The following GPC5 variants were observed in gnomAD, a reference collection of about 807,000 sequenced individuals.
The protein encoded by GPC5 is glypican 5.
A neutral mutation model predicts 53.9 loss-of-function variants in GPC5; 47 were observed. That is an observed-to-expected ratio of 0.87 (90% confidence interval 0.69 to 1.11). GPC5 has a LOEUF of 1.11. GPC5 is among the 50% of genes most tolerant of loss of function. The probability of loss-of-function intolerance (pLI) is 0.00; values close to 1 mark genes in which losing one functional copy is unlikely to be tolerated. For missense variants in GPC5, 748 were observed against 713.1 expected (o/e 1.05, Z -0.56); for synonymous variants, 286 against 263.3 (o/e 1.09, Z -0.84).
intron 1 of GPC5, among the ~76,000 whole-genome samples, chr13:91,432,047 A>G (rs11843981): frequency 0.012 from 1,761 of 152,206 alleles, 37 homozygotes; most frequent in African/African-American, 0.041. Context: ...TTAGAGAAAT[A>G]ATGTGGGTTG....
chr13:91,441,465 T>C (rs1337177903), intron 1 of GPC5, among the ~76,000 whole-genome samples: 3 of 152,176 alleles, frequency 2.0e-5, no homozygotes, highest in Non-Finnish European at 2.9e-5. Flanking sequence ...CTGGAGAAAC[T>C]ATGGTGGATC....
At chr13:92,592,533 G>A (rs1883747548) in intron 7 of GPC5, among the ~76,000 whole-genome samples, 1 of 151,128 alleles carries the variant, frequency 6.6e-6, no homozygotes, top group Admixed American at 6.6e-5. Flanking sequence ...AACCCTTTGT[G>A]GAGCTTACAT....
chr13:92,139,486 T>G, intron 6 of GPC5, among the ~76,000 whole-genome samples: 1 of 151,894 alleles, frequency 6.6e-6, no homozygotes, highest in Admixed American at 6.6e-5. Flanking sequence ...GCTAACATGG[T>G]GAAACCCCGT....
intron 7 of GPC5, among the ~76,000 whole-genome samples, chr13:92,847,203 A>G (rs1283885754): frequency 2.6e-5 from 4 of 152,146 alleles, no homozygotes; most frequent in African/African-American, 9.7e-5. Flanking sequence ...TTACATCATA[A>G]TACTCTTGAA....
At position 91,571,828 on chromosome 13, in the gene GPC5, T is replaced by TACGTGTGTGTATGTATACAC. The variant is rs1566515542; in HGVS notation, c.326-121357_326-121356insGTGTGTGTATGTATACACAC. 6.1e-3 allele frequency among the ~76,000 whole-genome samples: 394 copies of TACGTGTGTGTATGTATACAC among 64,844 alleles called. 32 individuals carry two copies. The highest frequency in any genetic ancestry group is 7.1e-3 in the Non-Finnish European group (278 of 39,022). 42.5% of individuals were successfully genotyped at this position (64,844 alleles called of 152,430 possible). A position where few individuals can be genotyped will look rare whatever the true frequency, so the allele number is the denominator to read the frequency against. On this transcript the variant is annotated intron_variant, in intron 2 of 7. Coordinates refer to ENST00000377067, the MANE Select transcript of GPC5 (RefSeq NM_004466.6). ...ACACACACATACGTGTGTGTATATA[T>TACGTGTGTGTATGTATACAC]ACACATATACTTGTGTGTATATACA... is the stretch of plus-strand genomic sequence containing the variant.
At chr13:92,113,199 A>G (rs943588895) in intron 6 of GPC5, among the ~76,000 whole-genome samples, 8 of 152,086 alleles carry the variant, frequency 5.3e-5, no homozygotes, top group Non-Finnish European at 1.2e-4. Context: ...TTTTGTCTCC[A>G]TTTTAAATAA....
intron 3 of GPC5, among the ~76,000 whole-genome samples, chr13:91,700,844 A>G (rs1457686242): frequency 6.6e-6 from 1 of 152,180 alleles, no homozygotes; most frequent in Non-Finnish European, 1.5e-5. Flanking sequence ...TCTTATCCCA[A>G]TATTATGAGC....
chr13:92,028,950 A>T (rs2138802749), intron 6 of GPC5, among the ~76,000 whole-genome samples: 1 of 152,310 alleles, frequency 6.6e-6, no homozygotes, highest in South Asian at 2.1e-4. Context: ...AATGTGTCCC[A>T]GTATGATTAT....
At chr13:92,700,753 G>A (rs1200100133) in intron 7 of GPC5, among the ~76,000 whole-genome samples, 1 of 152,018 alleles carries the variant, frequency 6.6e-6, no homozygotes, top group Admixed American at 6.6e-5. Context: ...AGGTTACCCT[G>A]CCACATTTGA....
At chr13:91,940,498 G>C (rs921962932) in intron 6 of GPC5, among the ~76,000 whole-genome samples, 1 of 151,982 alleles carries the variant, frequency 6.6e-6, no homozygotes, top group Non-Finnish European at 1.5e-5. Context: ...ATTTTCTTTT[G>C]GTTGTATACC....
At chr13:92,008,921 C>G (rs1566391755) in intron 6 of GPC5, among the ~76,000 whole-genome samples, 1 of 152,020 alleles carries the variant, frequency 6.6e-6, no homozygotes. Context: ...TTCAAATTCA[C>G]CAATCTTTCC....
chr13:92,653,914 T>C (rs985014017), intron 7 of GPC5, among the ~76,000 whole-genome samples: 2 of 152,144 alleles, frequency 1.3e-5, no homozygotes, highest in African/African-American at 4.8e-5. Flanking sequence ...CAGTGAAGTA[T>C]GAGAACTGAA....
intron 6 of GPC5, among the ~76,000 whole-genome samples, chr13:91,923,114 A>ACAAT (rs141366239): frequency 6.6e-6 from 1 of 152,128 alleles, no homozygotes; most frequent in Admixed American, 6.5e-5. Context: ...TTGAGTATGC[A>ACAAT]CAATCAATCA....
At chr13:92,648,391 A>G (rs1885843890) in intron 7 of GPC5, among the ~76,000 whole-genome samples, 1 of 150,434 alleles carries the variant, frequency 6.6e-6, no homozygotes, top group Non-Finnish European at 1.5e-5. Flanking sequence ...CATTTTATAA[A>G]AATATAAGAA....
At chr13:91,501,908 T>G (rs989559327) in intron 2 of GPC5, among the ~76,000 whole-genome samples, 1 of 152,236 alleles carries the variant, frequency 6.6e-6, no homozygotes, top group African/African-American at 2.4e-5. Flanking sequence ...CCAGCACCTG[T>G]TGTTTCCTGA....
chr13:91,506,395 T>C (rs1375679012), intron 2 of GPC5, among the ~76,000 whole-genome samples: 2 of 152,192 alleles, frequency 1.3e-5, no homozygotes, highest in South Asian at 2.1e-4. Context: ...CTTGTTTCTA[T>C]AGATTTTAGT....
intron 6 of GPC5, among the ~76,000 whole-genome samples, chr13:92,118,631 C>T (rs946779552): frequency 2.6e-5 from 4 of 152,132 alleles, no homozygotes; most frequent in African/African-American, 9.7e-5. Flanking sequence ...AGAAATTTTG[C>T]ACACCATGGG....
chr13:92,374,412 A>C (rs907029325), intron 7 of GPC5, among the ~76,000 whole-genome samples: 2 of 152,110 alleles, frequency 1.3e-5, no homozygotes. Context: ...GACTATCAAC[A>C]TGATGTCACT....
At chr13:92,063,521 A>G (rs994200884) in intron 6 of GPC5, among the ~76,000 whole-genome samples, 1 of 152,122 alleles carries the variant, frequency 6.6e-6, no homozygotes, top group African/African-American at 2.4e-5. Context: ...GGAAATATGT[A>G]TTATCTACTC....
Sources: allele counts gnomAD v4.1 joint callset (sites outside exome capture counted in the v4.1 genomes callset), GRCh38; gene constraint gnomAD v4.1.1; transcripts MANE v1.5; gene names NCBI Gene and HGNC (gene_info 2026-07-23, HGNC 2026-07-21).